Variants in PRSS23 observed in about 807,000 individuals in gnomAD.
PRSS23 encodes the protein serine protease 23, also known as protease, serine 23.
PRSS23 carries 25 observed loss-of-function variants against 34.7 expected under a neutral mutation model. That is an observed-to-expected ratio of 0.72 (90% CI 0.53 to 1.01). The LOEUF (loss-of-function observed/expected upper bound fraction) is 1.01. PRSS23 is among the 50% of genes least tolerant of loss of function. The pLI, the probability that PRSS23 is intolerant of heterozygous loss-of-function variation, is 0.00. For synonymous variants in PRSS23, 176 were observed against 186.6 expected, an observed-to-expected ratio of 0.94 and a Z score of 0.46; for missense variants, 445 against 475.6, an observed-to-expected ratio of 0.94 and a Z score of 0.60.
chr11:86,895,480 T>TG (rs1555079779), intron 2 of PRSS23, among the ~76,000 whole-genome samples: 4 of 136,798 alleles, frequency 2.9e-5, no homozygotes, highest in Non-Finnish European at 6.3e-5. Context: ...TTTTATCCTT[T>TG]TTTTTTTTTT....
At chr11:86,869,813 G>A (rs1948673154) in intron 2 of PRSS23, among the ~76,000 whole-genome samples, 1 of 152,112 alleles carries the variant, frequency 6.6e-6, no homozygotes, top group South Asian at 2.1e-4. Flanking sequence ...AATAAGCACC[G>A]TGTCTCCTAG....
chr11:86,908,133 C>A (rs1220436255), intron 2 of PRSS23, among the ~76,000 whole-genome samples: 1 of 152,162 alleles, frequency 6.6e-6, no homozygotes, highest in Non-Finnish European at 1.5e-5. Context: ...TAGGTTGTTT[C>A]CACATGTCAG....
chr11:86,860,946 C>A (rs1350424926), intron 2 of PRSS23, among the ~76,000 whole-genome samples: 1 of 151,196 alleles, frequency 6.6e-6, no homozygotes, highest in Non-Finnish European at 1.5e-5. Flanking sequence ...GATATTACTC[C>A]CAATATAGAA....
In PRSS23 at chr11:86,900,813, C is replaced by T. The variant is rs1464046601; in HGVS notation, c.207-50403C>T. Among the ~76,000 whole-genome samples the T allele has an allele frequency of 2.7e-5, 3 of 110,794 alleles. No homozygotes were observed. The East Asian group carries it at 8.5e-4, about 32-fold the overall frequency. 72.7% of individuals were successfully genotyped at this position (110,794 alleles called of 152,430 possible). On this transcript the variant is annotated intron_variant, in intron 2 of 2. Transcript: ENST00000533902. ...TTTTTTTTTTTTTTTGAGACGGAGT[C>T]TCGCTCTGTCGCCCAGGCTGGAGTG...
At chr11:86,952,381 C>G in exon 3 of PRSS23, 1 of 1,614,192 alleles carries the variant, frequency 6.2e-7, no homozygotes, top group Non-Finnish European at 8.5e-7. Context: ...CACAGCGTCT[C>G]TTGACTGAAA....
At chr11:86,823,470 C>T (rs896065701) in exon 2 of PRSS23, 14 of 702,410 alleles carry the variant, frequency 2.0e-5, no homozygotes, top group East Asian at 1.1e-4. Flanking sequence ...TCAACAGTTT[C>T]GAATTCAATT....
chr11:86,833,473 G>GTATATATA (rs140297591), intron 2 of PRSS23: 4 of 359,578 alleles, frequency 1.1e-5, no homozygotes, highest in African/African-American at 6.5e-5. Context: ...GTTCGGACAT[G>GTATATATA]TATATATATA....
chr11:86,910,231 T>C (rs1948968629), intron 2 of PRSS23: 2 of 152,194 alleles, frequency 1.3e-5, no homozygotes, highest in African/African-American at 4.8e-5. Flanking sequence ...AGAACAATAT[T>C]TCATCAGGAG....
At chr11:86,885,558 G>T (rs1379526081) in intron 2 of PRSS23, among the ~76,000 whole-genome samples, 1 of 152,218 alleles carries the variant, frequency 6.6e-6, no homozygotes, top group African/African-American at 2.4e-5. Context: ...CCAGTCAGTT[G>T]AAGGTCTTAA....
chr11:86,876,573 C>A (rs1402240412), intron 2 of PRSS23, among the ~76,000 whole-genome samples: 1 of 152,124 alleles, frequency 6.6e-6, no homozygotes, highest in Non-Finnish European at 1.5e-5. Context: ...CCATGGACCA[C>A]CAGAATTGAC....
intron 2 of PRSS23, among the ~76,000 whole-genome samples, chr11:86,868,673 G>A (rs1948666278): frequency 6.6e-6 from 1 of 152,158 alleles, no homozygotes; most frequent in Non-Finnish European, 1.5e-5. Context: ...CTTACTCTGG[G>A]AGGAGTGGCA....
At chr11:86,894,473 C>T (rs921753966) in intron 2 of PRSS23, among the ~76,000 whole-genome samples, 1 of 152,080 alleles carries the variant, frequency 6.6e-6, no homozygotes, top group East Asian at 1.9e-4. Flanking sequence ...ATTTCAAGAC[C>T]CTTTGCAATT....
chr11:86,823,201 T>C lies in PRSS23; in HGVS notation c.-11-176T>C, dbSNP rs553582246. The C allele has an allele frequency of 1.1e-4, 65 of 600,182 alleles. 1 individual carries two copies. In the South Asian group the frequency reaches 1.3e-3, roughly 12 times the overall value. The allele number at this position is 600,182 out of a possible 1,614,324, so 37.2% of individuals were successfully genotyped here. A position where few individuals can be genotyped will look rare whatever the true frequency, so the allele number is the denominator to read the frequency against. On this transcript the variant is annotated intron_variant, in intron 1 of 2. Coordinates refer to the PRSS23 transcript ENST00000533902. ...AGGATGATACATACAATTTATTCAG[T>C]TCCTATTTCTTTTACTTTAGTATTC...
At chr11:86,927,084 G>A (rs34996533) in intron 2 of PRSS23, among the ~76,000 whole-genome samples, 2 of 152,148 alleles carry the variant, frequency 1.3e-5, no homozygotes, top group African/African-American at 4.8e-5. Context: ...CTATTCTTAA[G>A]GATTTTTTAG....
Position 86,808,909 on chromosome 11 carries a change from T to C in PRSS23, c.*114T>C. On this transcript the variant is annotated 3_prime_UTR_variant, in exon 2 of 2. Transcript: ENST00000280258. ...GTGTGTGTGTGTGTGTGTGTGTGTG[T>C]AAGGTGTCTTATAATCTTTTACCTA... The C allele has an allele frequency of 2.6e-6, 2 of 783,468 alleles. No individual in the cohort carries two copies. The highest frequency in any genetic ancestry group is 4.0e-6 in the Non-Finnish European group (2 of 497,364). The allele number at this position is 783,468 out of a possible 1,614,324, so 48.5% of individuals were successfully genotyped here.
intron 2 of PRSS23, among the ~76,000 whole-genome samples, chr11:86,878,933 G>T (rs1948746401): frequency 7.2e-6 from 1 of 138,132 alleles, no homozygotes; most frequent in African/African-American, 2.8e-5. Context: ...CGTCTAGGAA[G>T]TGAGGAGCGT....
At chr11:86,796,003 G>T (rs529537687), upstream of PRSS23, among the ~76,000 whole-genome samples, 1 of 152,190 alleles carries the variant, frequency 6.6e-6, no homozygotes, top group Non-Finnish European at 1.5e-5. Context: ...AAGCTTCCAA[G>T]TATCATTCAG....
intron 2 of PRSS23, chr11:86,932,598 T>C (rs1444092026): frequency 1.8e-5 from 2 of 111,562 alleles, no homozygotes; most frequent in African/African-American, 6.0e-5. Context: ...CAACTTTGTT[T>C]CCATGACTTT....
At chr11:86,920,126 G>A (rs1292855255) in intron 2 of PRSS23, among the ~76,000 whole-genome samples, 1 of 152,172 alleles carries the variant, frequency 6.6e-6, no homozygotes, top group Non-Finnish European at 1.5e-5. Context: ...AGGGACCTGG[G>A]CAACAGCTCA....
Sources: allele counts gnomAD v4.1 joint callset (sites outside exome capture counted in the v4.1 genomes callset), GRCh38; gene constraint gnomAD v4.1.1; transcripts MANE v1.5; gene names NCBI Gene and HGNC (gene_info 2026-07-23, HGNC 2026-07-21).